ELFN2: variants seen among roughly 807,000 people sequenced by gnomAD.
The protein encoded by ELFN2 is extracellular leucine rich repeat and fibronectin type III domain containing 2.
A neutral mutation model predicts 45.5 loss-of-function variants in ELFN2; 17 were observed. That is an observed-to-expected ratio of 0.37 (90% CI 0.26 to 0.56). The LOEUF (loss-of-function observed/expected upper bound fraction) is 0.56, where lower values mean the gene tolerates loss of function less well. Ranked by LOEUF, ELFN2 falls within the 20% of genes least tolerant of loss-of-function variation. ELFN2 has a pLI of 0.77. For synonymous variants in ELFN2, 550 were observed against 551.5 expected, an observed-to-expected ratio of 1.00 and a Z score of 0.04; for missense variants, 922 against 1,183.2, an observed-to-expected ratio of 0.78 and a Z score of 3.24.
intron 2 of ELFN2, among the ~76,000 whole-genome samples, chr22:37,388,985 G>A (rs963366694): frequency 6.6e-6 from 1 of 152,226 alleles, no homozygotes; most frequent in African/African-American, 2.4e-5. Context: ...AACTCTTTCA[G>A]GGGGAGGTAG....
At chr22:37,424,875 TA>T (rs2145695556) in intron 1 of ELFN2, among the ~76,000 whole-genome samples, 1 of 152,210 alleles carries the variant, frequency 6.6e-6, no homozygotes, top group East Asian at 1.9e-4. Context: ...TACTCTGGGC[TA>T]GGGGGATAGG....
intron 2 of ELFN2, among the ~76,000 whole-genome samples, chr22:37,380,811 A>AC (rs917111039): frequency 1.3e-5 from 2 of 151,686 alleles, no homozygotes. Flanking sequence ...AAAGCCTGCC[A>AC]CCCCCCGGGG....
chr22:37,351,730 C>T (rs767443070), intron 1 of ELFN2, among the ~76,000 whole-genome samples: 4 of 150,894 alleles, frequency 2.7e-5, no homozygotes, highest in East Asian at 1.9e-4. Flanking sequence ...GAGCCCTTCC[C>T]GCTCAGACTG....
chr22:37,350,198 C>G (rs1930790375), intron 1 of ELFN2, among the ~76,000 whole-genome samples: 1 of 150,976 alleles, frequency 6.6e-6, no homozygotes, highest in Admixed American at 6.6e-5. Context: ...AACGGCGAAA[C>G]CCCCATGTGG....
chr22:37,414,674 A>T (rs1932733025), intron 2 of ELFN2, among the ~76,000 whole-genome samples: 1 of 152,258 alleles, frequency 6.6e-6, no homozygotes, highest in South Asian at 2.1e-4. Flanking sequence ...GGTTCCCAAG[A>T]TCCCATAGCC....
Position 37,375,725 on chromosome 22 carries a change from T to TA in ELFN2, c.-192dup. On this transcript the variant is annotated 5_prime_UTR_variant, in exon 3 of 3. Coordinates refer to ENST00000402918, the MANE Select transcript of ELFN2 (RefSeq NM_052906.5). Reference sequence around the variant, plus strand: ...TCTTCTAGGGTGCTACAGCAGGCACTAGGCCTGGCTAGGGCTGGGGGTGGG... The same window carrying TA: ...TCTTCTAGGGTGCTACAGCAGGCACTAAGGCCTGGCTAGGGCTGGGGGTGGG... The TA allele has an allele frequency of 1.5e-6, 1 of 667,792 alleles. No homozygotes were observed. Among genetic ancestry groups the TA allele is most frequent in the Non-Finnish European group, 2.5e-6 (1 of 394,590 alleles). The allele number at this position is 667,792 out of a possible 1,614,324, so 41.4% of individuals were successfully genotyped here. A position where few individuals can be genotyped will look rare whatever the true frequency, so the allele number is the denominator to read the frequency against.
At chr22:37,406,719 G>A (rs1932510868) in intron 2 of ELFN2, among the ~76,000 whole-genome samples, 2 of 152,272 alleles carry the variant, frequency 1.3e-5, no homozygotes, top group African/African-American at 2.4e-5. Context: ...ACTTCCTGGG[G>A]GAGGCTGAGG....
chr22:37,423,467 G>T (rs1036566814), intron 1 of ELFN2, among the ~76,000 whole-genome samples: 1 of 152,206 alleles, frequency 6.6e-6, no homozygotes, highest in African/African-American at 2.4e-5. Context: ...GTGCTGATGT[G>T]AGAGTTTCCC....
chr22:37,404,747 G>A (rs2145675147), intron 2 of ELFN2, among the ~76,000 whole-genome samples: 1 of 152,262 alleles, frequency 6.6e-6, no homozygotes, highest in African/African-American at 2.4e-5. Flanking sequence ...TGCAGCAGCT[G>A]GGAGTGGATG....
intron 1 of ELFN2, chr22:37,418,846 C>G (rs968686181): frequency 1.3e-5 from 2 of 152,530 alleles, no homozygotes; most frequent in African/African-American, 2.4e-5. Context: ...GGCTCACACA[C>G]AGCCTAAGAG....
At chr22:37,352,311 C>T (rs976267964) in intron 1 of ELFN2, 2 of 151,088 alleles carry the variant, frequency 1.3e-5, no homozygotes, top group African/African-American at 4.8e-5. Flanking sequence ...TGTGCAGAAT[C>T]CCAGAGGTGA....
At chr22:37,379,243 C>T (rs1251665795) in intron 2 of ELFN2, among the ~76,000 whole-genome samples, 1 of 152,192 alleles carries the variant, frequency 6.6e-6, no homozygotes, top group Non-Finnish European at 1.5e-5. Context: ...CTGCTTCCCT[C>T]CCGCAGCCCA....
chr22:37,361,244 A>G (rs1931078644), intron 1 of ELFN2, among the ~76,000 whole-genome samples: 2 of 152,196 alleles, frequency 1.3e-5, no homozygotes, highest in African/African-American at 4.8e-5. Flanking sequence ...GCTGCTGAGC[A>G]GCAGTAAAGA....
chr22:37,355,326 C>T lies in ELFN2; in HGVS notation n.149-12623G>A, dbSNP rs915030551. On this transcript the variant is annotated intron_variant and non_coding_transcript_variant, in intron 1 of 2. Coordinates refer to ENST00000452946, the Ensembl canonical transcript of ELFN2. ...CCCACCTCGAGTCAGCCTCATAGGTCGGCCTCAGCATCCAGGCTGGCCGGG... is the reference window on the plus strand; with the variant it reads ...CCCACCTCGAGTCAGCCTCATAGGTTGGCCTCAGCATCCAGGCTGGCCGGG... Among the ~76,000 whole-genome samples the T allele has an allele frequency of 3.3e-5, 5 of 152,232 alleles. No homozygotes were observed. The South Asian group carries it at 8.3e-4, about 25-fold the overall frequency.
At chr22:37,383,737 T>A (rs999051568) in intron 2 of ELFN2, among the ~76,000 whole-genome samples, 1 of 152,212 alleles carries the variant, frequency 6.6e-6, no homozygotes, top group Non-Finnish European at 1.5e-5. Flanking sequence ...ACAGACAGAT[T>A]TGCCTCCCCT....
At chr22:37,364,949 G>A (rs1332889987), downstream of ELFN2, among the ~76,000 whole-genome samples, 1 of 152,210 alleles carries the variant, frequency 6.6e-6, no homozygotes, top group East Asian at 1.9e-4. Context: ...GAAGGAGCAG[G>A]AATGCTTCCG....
intron 2 of ELFN2, among the ~76,000 whole-genome samples, chr22:37,415,447 G>T (rs1038656442): frequency 3.9e-5 from 6 of 152,192 alleles, no homozygotes; most frequent in Admixed American, 3.9e-4. Context: ...AGGAGCACCA[G>T]AGAGGGAGCC....
In ELFN2 at chr22:37,375,246, C is replaced by T. The variant is rs1931543148; in HGVS notation, c.289G>A (p.Gly97Ser). ...AGGCTCGACTGGCCCAGGAAGGCAC[C>T]GTCCTCGATGTAGGAGATCTCGTTC... ...TKNEISYIED[G>S]AFLGQSSLQV... Residue 97 changes from glycine to serine, a missense_variant, in exon 3 of 3, where the codon GGT (glycine) becomes AGT (serine). Physicochemically the swap from Gly to Ser is moderately conservative, Grantham distance 56. This residue lies in a region of ELFN2 where 358 missense variants were observed against 540.4 expected (regional missense o/e 0.66). Coordinates refer to ENST00000402918, the MANE Select transcript of ELFN2 (RefSeq NM_052906.5). The T allele has an allele frequency of 1.9e-6, 3 of 1,614,006 alleles. No individual in the cohort carries two copies. Among genetic ancestry groups the T allele is most frequent in the African/African-American group, 1.3e-5 (1 of 74,906 alleles).
rs199881580 is a variant in ELFN2 at position 37,373,746 on chromosome 22, C to G, written c.1789G>C (p.Glu597Gln). 1.4e-4 allele frequency: 222 copies of G among 1,571,378 alleles called. No individual in the cohort carries two copies. The African/African-American group carries it at 2.8e-3, about 20-fold the overall frequency. ...ASSATGPGAL[E>Q]RPSFLSPPYK... The stretch of plus-strand genomic sequence containing the variant: ...GGAGGCGAAAGGAAGCTGGGCCGCT[C>G]CAGGGCCCCGGGGCCAGTGGCTGAG... The change falls in exon 3 of 3, where the codon GAG becomes CAG. Residue 597 changes from glutamate (E) to glutamine (Q), a missense_variant. By Grantham distance (29) the Glu-to-Gln change is conservative. Coordinates refer to ENST00000402918, the MANE Select transcript of ELFN2 (RefSeq NM_052906.5).
Sources: allele counts gnomAD v4.1 joint callset (sites outside exome capture counted in the v4.1 genomes callset), GRCh38; gene constraint gnomAD v4.1.1; regional missense constraint gnomAD v4.1.1; transcripts MANE v1.5; gene names NCBI Gene and HGNC (gene_info 2026-07-23, HGNC 2026-07-21).